CLNK: variants seen among roughly 807,000 people sequenced by gnomAD.
The protein encoded by CLNK is cytokine dependent hematopoietic cell linker, also known as cytokine-dependent hematopoietic cell linker.
Under a neutral mutation model 68.6 loss-of-function variants are expected in CLNK, and 74 were observed. The ratio of observed to expected loss-of-function variants is 1.08; its 90% CI spans 0.89 to 1.31. CLNK has a LOEUF of 1.31. Among genes scored for constraint, CLNK ranks in the 50% most tolerant of loss-of-function variants. The pLI is 0.00. For missense variants in CLNK, 553 were observed against 515.3 expected (o/e 1.07, Z -0.71); for synonymous variants, 198 against 172.2 (o/e 1.15, Z -1.17).
At chr4:10,679,602 T>C (rs1197668395) in intron 1 of CLNK, among the ~76,000 whole-genome samples, 1 of 152,148 alleles carries the variant, frequency 6.6e-6, no homozygotes, top group Admixed American at 6.5e-5. Flanking sequence ...GAGAAAATTT[T>C]TGCAATCTAC....
At chr4:10,688,196 C>A (rs1305857070), upstream of CLNK, among the ~76,000 whole-genome samples, 1 of 152,134 alleles carries the variant, frequency 6.6e-6, no homozygotes, top group Non-Finnish European at 1.5e-5. Context: ...ATGGGACCAC[C>A]AGAAATATTG....
chr4:10,551,562 C>T (rs1035600085), intron 8 of CLNK, among the ~76,000 whole-genome samples: 2 of 152,134 alleles, frequency 1.3e-5, no homozygotes, highest in Non-Finnish European at 2.9e-5. Context: ...AGCCACCACC[C>T]CCTCCTGTAA....
chr4:10,534,045 T>C (rs1341995935), intron 11 of CLNK, among the ~76,000 whole-genome samples: 1 of 152,234 alleles, frequency 6.6e-6, no homozygotes, highest in African/African-American at 2.4e-5. Flanking sequence ...ACAGTTTTAC[T>C]AAGATTCTTT....
At chr4:10,690,476 T>G in the CLNK span, among the ~76,000 whole-genome samples, 1 of 152,176 alleles carries the variant, frequency 6.6e-6, no homozygotes, top group Non-Finnish European at 1.5e-5. Context: ...TTTGAAAATC[T>G]CTGGCATGGT....
intron 2 of CLNK, among the ~76,000 whole-genome samples, chr4:10,607,520 C>T (rs1390167615): frequency 1.3e-5 from 2 of 152,200 alleles, no homozygotes; most frequent in African/African-American, 2.4e-5. Context: ...CTATAAAGTA[C>T]AGTATCTCCT....
At chr4:10,608,974 T>C (rs1425519245) in intron 2 of CLNK, among the ~76,000 whole-genome samples, 1 of 152,168 alleles carries the variant, frequency 6.6e-6, no homozygotes, top group African/African-American at 2.4e-5. Flanking sequence ...AGAGCACTAA[T>C]CTCATTCATG....
rs1195701042 is a variant in CLNK at position 10,524,031 on chromosome 4, AAAGGAAGAAAGGAAGG to A, written c.731+1794_731+1809del. 3.1e-5 allele frequency: 7 copies of A among 225,260 alleles called. No individual in the cohort carries two copies. The East Asian group carries it at 7.8e-4, about 25-fold the overall frequency. 14.0% of individuals were successfully genotyped at this position (225,260 alleles called of 1,614,324 possible). A position where few individuals can be genotyped will look rare whatever the true frequency, so the allele number is the denominator to read the frequency against. On this transcript the variant is annotated intron_variant, in intron 14 of 18. Transcript: ENST00000226951. ...CTGTCTCAAAGAAAAAGAAAGAAAGAAAGGAAGAAAGGAAGGAAGGAAGAAAAAACAAAAGAAAGAA... is the reference window on the plus strand; with the variant it reads ...CTGTCTCAAAGAAAAAGAAAGAAAGAAAGGAAGAAAAAACAAAAGAAAGAA...
At position 10,489,487 on chromosome 4, in the gene CLNK, T is replaced by C. The variant is rs962824859; in HGVS notation, c.*980A>G. On this transcript the variant is annotated 3_prime_UTR_variant, in exon 19 of 19. Transcript: ENST00000226951. The stretch of plus-strand genomic sequence containing the variant: ...GTGTTAATTCCATTTGACTTAAAGC[T>C]ACTTGAAGCAGATGATGCTGGAGGC... 8 of 152,154 alleles carry C rather than the reference T, an allele frequency of 5.3e-5. No homozygotes were observed. Among genetic ancestry groups the C allele is most frequent in the Admixed American group, 2.0e-4 (3 of 15,272 alleles). The allele number at this position is 152,154 out of a possible 1,614,324, so 9.4% of individuals were successfully genotyped here. A position where few individuals can be genotyped will look rare whatever the true frequency, so the allele number is the denominator to read the frequency against.
At chr4:10,668,205 C>G (rs1724483078) in intron 1 of CLNK, among the ~76,000 whole-genome samples, 1 of 152,136 alleles carries the variant, frequency 6.6e-6, no homozygotes, top group Non-Finnish European at 1.5e-5. Context: ...TGTGTGCTTC[C>G]CCTGGGCACC....
the CLNK span, among the ~76,000 whole-genome samples, chr4:10,702,641 G>A: frequency 1.3e-3 from 203 of 152,242 alleles, 1 homozygote; most frequent in South Asian, 3.9e-3. Flanking sequence ...GGAGGTAGTC[G>A]CGCAGTCCAA....
chr4:10,727,502 T>C, the CLNK span, among the ~76,000 whole-genome samples: 1 of 152,222 alleles, frequency 6.6e-6, no homozygotes, highest in East Asian at 1.9e-4. Flanking sequence ...CTCTGTTAAA[T>C]GGGGATACAG....
intron 12 of CLNK, among the ~76,000 whole-genome samples, chr4:10,529,988 C>A (rs1224277118): frequency 6.6e-6 from 1 of 150,570 alleles, no homozygotes; most frequent in Non-Finnish European, 1.5e-5. Flanking sequence ...CTTTCTCCTT[C>A]CTTTTTTCTT....
intron 10 of CLNK, among the ~76,000 whole-genome samples, chr4:10,541,624 T>C (rs1294680193): frequency 1.3e-5 from 2 of 151,934 alleles, no homozygotes; most frequent in Non-Finnish European, 2.9e-5. Context: ...CACATGAATA[T>C]ATACTTAATA....
At chr4:10,597,912 G>C in intron 3 of CLNK, 66 bp downstream of exon 3, 1 of 1,113,302 alleles carries the variant, frequency 9.0e-7, no homozygotes, top group Non-Finnish European at 1.3e-6. Context: ...GTTTGTGATG[G>C]TCAGCTTATT....
chr4:10,624,773 T>C (rs1440960625), intron 2 of CLNK, among the ~76,000 whole-genome samples: 1 of 152,108 alleles, frequency 6.6e-6, no homozygotes, highest in African/African-American at 2.4e-5. Flanking sequence ...TTTTATTCTT[T>C]TGCAGAATCT....
intron 10 of CLNK, 29 bp downstream of exon 10, chr4:10,541,992 GA>G (rs11440483): frequency 9.5e-5 from 143 of 1,500,884 alleles, no homozygotes; most frequent in Admixed American, 1.6e-4. Context: ...ATTGTATAGC[GA>G]AAAAAAATGC....
intron 3 of CLNK, among the ~76,000 whole-genome samples, chr4:10,586,534 C>T (rs1577148248): frequency 6.6e-6 from 1 of 151,698 alleles, no homozygotes; most frequent in Non-Finnish European, 1.5e-5. Context: ...AGGATGGTCT[C>T]GATCTCTTGA....
At chr4:10,719,870 T>A in the CLNK span, among the ~76,000 whole-genome samples, 1 of 152,046 alleles carries the variant, frequency 6.6e-6, no homozygotes, top group Non-Finnish European at 1.5e-5. Context: ...ACAGAGCCAA[T>A]GTGGAATCAA....
chr4:10,716,492 T>C, the CLNK span, among the ~76,000 whole-genome samples: 1 of 152,084 alleles, frequency 6.6e-6, no homozygotes, highest in African/African-American at 2.4e-5. Flanking sequence ...ACAGACTGGC[T>C]AGGGACCTCT....
Sources: gnomAD v4.1 joint callset for allele counts (sites outside exome capture counted in the v4.1 genomes callset) on GRCh38, gnomAD v4.1.1 for gene constraint, MANE v1.5 for transcripts, NCBI Gene and HGNC (gene_info 2026-07-23, HGNC 2026-07-21) for gene names.